PHF24: variants seen among roughly 807,000 people sequenced by gnomAD.
The protein encoded by PHF24 is Galpha inhibitory interacting protein.
PHF24 carries 25 observed loss-of-function variants against 42.6 expected under a neutral mutation model. That is an observed-to-expected ratio of 0.59 (90% confidence interval 0.43 to 0.82). PHF24 has a LOEUF of 0.82. Ranked by LOEUF, PHF24 falls within the 40% of genes least tolerant of loss-of-function variation. The probability of loss-of-function intolerance (pLI) is 0.00; values close to 1 mark genes in which losing one functional copy is unlikely to be tolerated. For missense variants in PHF24, 470 were observed against 538.1 expected, an observed-to-expected ratio of 0.87 and a Z score of 1.25; for synonymous variants, 185 against 204.8, an observed-to-expected ratio of 0.90 and a Z score of 0.83.
chr9:34,867,562 G>A, the PHF24 span, among the ~76,000 whole-genome samples: 304 of 152,338 alleles, frequency 2.0e-3, no homozygotes, highest in Non-Finnish European at 3.6e-3. Context: ...GGAACAGCCA[G>A]TCACTGGAGA....
upstream of PHF24, among the ~76,000 whole-genome samples, chr9:34,954,259 C>T (rs185542047): frequency 8.2e-4 from 125 of 152,310 alleles, 1 homozygote; most frequent in South Asian, 4.4e-3. Context: ...TCAGGACACA[C>T]TGTCACTAAT....
the PHF24 span, among the ~76,000 whole-genome samples, chr9:34,947,609 A>G: frequency 2.0e-5 from 3 of 152,156 alleles, no homozygotes; most frequent in Admixed American, 2.0e-4. Flanking sequence ...TTCAGGACGT[A>G]TTCCAGAAGA....
chr9:34,736,768 T>C, the PHF24 span, among the ~76,000 whole-genome samples: 1 of 152,124 alleles, frequency 6.6e-6, no homozygotes, highest in African/African-American at 2.4e-5. Flanking sequence ...AAAGGAAACA[T>C]TATATAAAGA....
chr9:34,690,477 G>T, the PHF24 span: 19 of 759,650 alleles, frequency 2.5e-5, no homozygotes, highest in African/African-American at 3.0e-4. Flanking sequence ...TGTCTGGTGG[G>T]GTCGGGGAGG....
chr9:34,832,669 T>G, the PHF24 span: 1 of 1,541,054 alleles, frequency 6.5e-7, no homozygotes. Flanking sequence ...ATTTTATTTC[T>G]GAAGCTAGAC....
At chr9:34,882,840 C>A in the PHF24 span, among the ~76,000 whole-genome samples, 2 of 152,194 alleles carry the variant, frequency 1.3e-5, no homozygotes, top group African/African-American at 4.8e-5. Context: ...CAATGACTTT[C>A]TTCACAGAAC....
At chr9:34,728,232 C>A in the PHF24 span, 1 of 665,936 alleles carries the variant, frequency 1.5e-6, no homozygotes, top group Non-Finnish European at 2.6e-6. Flanking sequence ...TACAGCATCG[C>A]TGTAACACAA....
the PHF24 span, among the ~76,000 whole-genome samples, chr9:34,947,139 A>G: frequency 6.6e-6 from 1 of 152,252 alleles, no homozygotes; most frequent in Non-Finnish European, 1.5e-5. Context: ...CCAATTATAG[A>G]GTCCCATCCT....
At chr9:34,817,652 G>A in the PHF24 span, among the ~76,000 whole-genome samples, 11 of 152,216 alleles carry the variant, frequency 7.2e-5, no homozygotes, top group African/African-American at 9.6e-5. Context: ...CTACCAGAGC[G>A]TGGCTTGTCC....
the PHF24 span, among the ~76,000 whole-genome samples, chr9:34,764,879 C>T: frequency 6.6e-5 from 10 of 151,060 alleles, no homozygotes; most frequent in Non-Finnish European, 1.3e-4. Context: ...GAATGTGTCC[C>T]AGAGATTCTG....
the PHF24 span, among the ~76,000 whole-genome samples, chr9:34,705,931 C>T: frequency 6.6e-6 from 1 of 152,020 alleles, no homozygotes; most frequent in Non-Finnish European, 1.5e-5. Flanking sequence ...TTTTATACCT[C>T]GAAGTTATAA....
the PHF24 span, chr9:34,691,025 A>G: frequency 1.5e-6 from 2 of 1,373,840 alleles, no homozygotes; most frequent in East Asian, 2.5e-5. Flanking sequence ...AAGCAATCTG[A>G]GATCTAGACA....
chr9:34,898,448 C>T, the PHF24 span, among the ~76,000 whole-genome samples: 7 of 152,014 alleles, frequency 4.6e-5, 1 homozygote, highest in Non-Finnish European at 4.4e-5. Context: ...CTTATACCTA[C>T]AAAAGGAAAC....
chr9:34,841,590 G>T, the PHF24 span, among the ~76,000 whole-genome samples: 3 of 152,118 alleles, frequency 2.0e-5, no homozygotes, highest in African/African-American at 7.2e-5. Context: ...GGGCACAGTG[G>T]CTCACACCTA....
the PHF24 span, among the ~76,000 whole-genome samples, chr9:34,884,410 T>A: frequency 6.6e-6 from 1 of 152,136 alleles, no homozygotes; most frequent in Admixed American, 6.5e-5. Flanking sequence ...GACCACAGTA[T>A]GAGTATTTTT....
the PHF24 span, among the ~76,000 whole-genome samples, chr9:34,862,144 A>G: frequency 6.6e-6 from 1 of 152,164 alleles, no homozygotes. Context: ...CCCAGTAGTG[A>G]GAATTTGAGT....
chr9:34,747,578 T>C, the PHF24 span, among the ~76,000 whole-genome samples: 1 of 152,140 alleles, frequency 6.6e-6, no homozygotes, highest in African/African-American at 2.4e-5. Context: ...CTCAGAAATA[T>C]AAATAAAGCC....
At chr9:34,757,051 C>G in the PHF24 span, among the ~76,000 whole-genome samples, 1 of 152,006 alleles carries the variant, frequency 6.6e-6, no homozygotes, top group African/African-American at 2.4e-5. Flanking sequence ...ATTACAGGCA[C>G]CCGCCACCAC....
chr9:34,724,275 C>A, the PHF24 span: 1 of 1,551,524 alleles, frequency 6.4e-7, no homozygotes, highest in Non-Finnish European at 8.7e-7. Context: ...ACCGAGTGGG[C>A]AGAACCCTGG....
Sources: gnomAD v4.1 joint callset for allele counts (sites outside exome capture counted in the v4.1 genomes callset) on GRCh38, gnomAD v4.1.1 for gene constraint, MANE v1.5 for transcripts, NCBI Gene and HGNC (gene_info 2026-07-23, HGNC 2026-07-21) for gene names.